The following PPP6R2 variants were observed in gnomAD, a reference collection of about 807,000 sequenced individuals.
The protein encoded by PPP6R2 is serine/threonine-protein phosphatase 6 regulatory subunit 2.
A neutral mutation model predicts 100.2 loss-of-function variants in PPP6R2; 62 were observed. The ratio of observed to expected loss-of-function variants is 0.62; its 90% CI spans 0.50 to 0.76. The LOEUF (loss-of-function observed/expected upper bound fraction) is 0.76. Among genes scored for constraint, PPP6R2 ranks in the 30% least tolerant of loss-of-function variants. PPP6R2 has a pLI of 0.00. For missense variants in PPP6R2, 1,142 were observed against 1,276.3 expected, an observed-to-expected ratio of 0.89 and a Z score of 1.60; for synonymous variants, 525 against 514.7, an observed-to-expected ratio of 1.02 and a Z score of -0.27.
intron 1 of PPP6R2, among the ~76,000 whole-genome samples, chr22:50,349,065 G>A (rs1053244214): frequency 2.4e-4 from 37 of 151,088 alleles, no homozygotes; most frequent in African/African-American, 7.8e-4. Context: ...CATGGTGGTG[G>A]GCGCCTGTAA....
chr22:50,406,532 G>A (rs2058983311), intron 3 of PPP6R2, among the ~76,000 whole-genome samples, 157 bp from the exon 4 acceptor site: 1 of 152,224 alleles, frequency 6.6e-6, no homozygotes, highest in Non-Finnish European at 1.5e-5. Flanking sequence ...AGAAATACCA[G>A]CTGGTCACAG....
At chr22:50,350,847 AAAAAAAAAAAAAATTACTCCTT>A (rs2044942827) in intron 1 of PPP6R2, among the ~76,000 whole-genome samples, 1 of 149,018 alleles carries the variant, frequency 6.7e-6, no homozygotes, top group African/African-American at 2.5e-5. Flanking sequence ...TCCGTCTCAA[AAAAAAAAAAAAAATTACTCCTT>A]GATCCATGGG....
intron 2 of PPP6R2, among the ~76,000 whole-genome samples, chr22:50,393,070 A>G (rs989031879): frequency 6.6e-6 from 1 of 152,206 alleles, no homozygotes; most frequent in African/African-American, 2.4e-5. Flanking sequence ...CTTTGTTGCT[A>G]ACCAGCCCTG....
chr22:50,437,577 G>A lies in PPP6R2; in HGVS notation c.1755G>A (p.Glu585=). Residue 585 remains glutamate, a synonymous_variant, in exon 16 of 24, where the codon GAG becomes GAA. Transcript: ENST00000612753. ...ATCAGTTTGGCTTCAATGATGAGGA[G>A]TTTGCCGACCAGGACGACAACATCA... The part of the protein sequence containing the change: ...FVDQFGFNDE[E]FADQDDNINA... The A allele has an allele frequency of 1.2e-6, 2 of 1,612,094 alleles. No homozygotes were observed. Among genetic ancestry groups the A allele is most frequent in the African/African-American group, 1.3e-5 (1 of 74,740 alleles).
At chr22:50,379,054 A>T (rs951640104) in intron 2 of PPP6R2, among the ~76,000 whole-genome samples, 3 of 152,090 alleles carry the variant, frequency 2.0e-5, no homozygotes, top group Non-Finnish European at 4.4e-5. Context: ...CTCATCACAC[A>T]CTGAATCTGC....
rs761717378 is a variant in PPP6R2 at position 50,418,938 on chromosome 22, A to G, written c.690A>G (p.Gln230=). 1.2e-6 allele frequency: 2 copies of G among 1,613,856 alleles called. No individual in the cohort carries two copies. The highest frequency in any genetic ancestry group is 1.7e-6 in the Non-Finnish European group (2 of 1,179,892). ...GCAGAGACCAGGGCAGTCAGCTGCA[A>G]GAGGCTCTGGAGCCAGACCCGCTCC... The part of the protein sequence containing the change: ...RLGRDQGSQL[Q]EALEPDPLLT... Residue 230 remains glutamine (Q), a synonymous_variant, in exon 7 of 24, where the codon CAA becomes CAG. Coordinates refer to ENST00000612753, the MANE Select transcript of PPP6R2 (RefSeq NM_001242898.2).
chr22:50,365,695 G>T (rs1246437339), intron 1 of PPP6R2, among the ~76,000 whole-genome samples: 2 of 142,432 alleles, frequency 1.4e-5, no homozygotes, highest in African/African-American at 5.2e-5. Flanking sequence ...AAAAAAAAAA[G>T]AACCATTTAA....
At chr22:50,355,779 C>T (rs933176623) in intron 1 of PPP6R2, among the ~76,000 whole-genome samples, 2 of 151,310 alleles carry the variant, frequency 1.3e-5, no homozygotes, top group Admixed American at 1.3e-4. Flanking sequence ...CCTCGGCCTC[C>T]CAAATTGCTG....
At chr22:50,363,687 G>A (rs946386321) in intron 1 of PPP6R2, among the ~76,000 whole-genome samples, 25 of 152,144 alleles carry the variant, frequency 1.6e-4, no homozygotes, top group African/African-American at 6.0e-4. Context: ...TCTTACGGAC[G>A]GACCTGGAGT....
At chr22:50,415,950 G>A in intron 5 of PPP6R2, 142 bp from the exon 6 acceptor site, 1 of 724,720 alleles carries the variant, frequency 1.4e-6, no homozygotes, top group Non-Finnish European at 2.4e-6. Flanking sequence ...TGTGTTATGT[G>A]TGTTCTTTCT....
In PPP6R2 at chr22:50,380,154, G is replaced by A. The variant is rs145806163; in HGVS notation, c.-17+8004G>A. Among the ~76,000 whole-genome samples the A allele has an allele frequency of 4.1e-3, 624 of 152,208 alleles. 1 individual carries two copies. Among genetic ancestry groups the A allele is most frequent in the Non-Finnish European group, 6.6e-3 (451 of 68,010 alleles). On this transcript the variant is annotated intron_variant, in intron 2 of 23. Coordinates refer to ENST00000612753, the MANE Select transcript of PPP6R2 (RefSeq NM_001242898.2). The stretch of plus-strand genomic sequence containing the variant: ...CGCTCATGGCAAAAGTTCAAGGGGA[G>A]CCAAAGGGAAGCTAGCTTGTAGAGA...
chr22:50,444,569 C>G lies in PPP6R2; in HGVS notation c.*322C>G, dbSNP rs989162504. ...GGGGGGCAGGACCCTGAGATGCCACCAGGACCTGATGGGCCAGGAAGGGCG... is the reference window on the plus strand; with the variant it reads ...GGGGGGCAGGACCCTGAGATGCCACGAGGACCTGATGGGCCAGGAAGGGCG... On this transcript the variant is annotated 3_prime_UTR_variant, in exon 24 of 24. Transcript: ENST00000612753. The G allele has an allele frequency of 3.5e-5, 12 of 347,712 alleles. No homozygotes were observed. In the East Asian group the frequency reaches 6.6e-4, roughly 19 times the overall value. 21.5% of individuals were successfully genotyped at this position (347,712 alleles called of 1,614,324 possible). A position where few individuals can be genotyped will look rare whatever the true frequency, so the allele number is the denominator to read the frequency against.
intron 12 of PPP6R2, among the ~76,000 whole-genome samples, chr22:50,433,254 G>A (rs1363665655): frequency 1.1e-3 from 155 of 147,424 alleles, no homozygotes; most frequent in African/African-American, 3.1e-3. Context: ...GGCAGGGGCC[G>A]GGCATTTGCT....
intron 8 of PPP6R2, among the ~76,000 whole-genome samples, chr22:50,420,030 A>G (rs1333681259): frequency 6.6e-6 from 1 of 152,166 alleles, no homozygotes; most frequent in African/African-American, 2.4e-5. Context: ...CCCACTGTGC[A>G]CTAACACGGG....
chr22:50,430,203 C>T (rs539518285), intron 10 of PPP6R2, among the ~76,000 whole-genome samples: 1 of 152,370 alleles, frequency 6.6e-6, no homozygotes, highest in African/African-American at 2.4e-5. Flanking sequence ...GTTCAGCCAC[C>T]TCTGTCCCCC....
chr22:50,438,920 G>A (rs1008729576), intron 19 of PPP6R2, among the ~76,000 whole-genome samples, 158 bp downstream of exon 19: 1 of 152,206 alleles, frequency 6.6e-6, no homozygotes, highest in Non-Finnish European at 1.5e-5. Flanking sequence ...GTCCTGAGTA[G>A]GGGTCTGTGC....
rs372004360 is a variant in PPP6R2 at position 50,394,155 on chromosome 22, C to T, written c.227+20C>T. ...CTTCAAGTATGTACCAAAGCTGTGA[C>T]GGGCCAGTACGCCAGGCAGTGCTGC... On this transcript the variant is annotated intron_variant, in intron 3 of 23. Transcript: ENST00000612753. 106 of 1,609,402 alleles carry T rather than the reference C, an allele frequency of 6.6e-5. No individual in the cohort carries two copies. In the Admixed American group the frequency reaches 1.0e-3, roughly 15 times the overall value.
intron 1 of PPP6R2, among the ~76,000 whole-genome samples, chr22:50,352,613 T>G (rs2045552611): frequency 6.6e-6 from 1 of 151,804 alleles, no homozygotes; most frequent in Non-Finnish European, 1.5e-5. Flanking sequence ...TAGTCCCAGC[T>G]ACTCGGGAGG....
At chr22:50,438,452 G>A in intron 18 of PPP6R2, 147 bp from the exon 19 acceptor site, 2 of 1,436,752 alleles carry the variant, frequency 1.4e-6, no homozygotes, top group Non-Finnish European at 1.9e-6. Context: ...ACCCTAAGGA[G>A]CCCAGAGCTG....
Sources: allele counts gnomAD v4.1 joint callset (sites outside exome capture counted in the v4.1 genomes callset), GRCh38; gene constraint gnomAD v4.1.1; transcripts MANE v1.5; gene names NCBI Gene and HGNC (gene_info 2026-07-23, HGNC 2026-07-21).